Variants in PPP1R36 observed in about 807,000 individuals in gnomAD.
The protein encoded by PPP1R36 is chromosome 14 open reading frame 50.
A neutral mutation model predicts 53.4 loss-of-function variants in PPP1R36; 47 were observed. The ratio of observed to expected loss-of-function variants is 0.88; its 90% CI spans 0.70 to 1.12. The LOEUF (loss-of-function observed/expected upper bound fraction) is 1.12. PPP1R36 is among the 50% of genes most tolerant of loss of function. The pLI is 0.00. For missense variants in PPP1R36, 456 were observed against 513.9 expected, an observed-to-expected ratio of 0.89 and a Z score of 1.09; for synonymous variants, 153 against 170.5, an observed-to-expected ratio of 0.90 and a Z score of 0.80.
In PPP1R36 at chr14:64,587,346, G is replaced by A; in HGVS notation, c.864G>A (p.Lys288=). ...RREDEESGGE[K]KRMTFVQFRR... ...AAGATGAGGAATCAGGAGGGGAAAAGAAACGCATGACTTTTGTTCAGTTCA... is the reference window on the plus strand; with the variant it reads ...AAGATGAGGAATCAGGAGGGGAAAAAAAACGCATGACTTTTGTTCAGTTCA... Residue 288 remains lysine (K), a synonymous_variant, in exon 10 of 12, where the codon AAG becomes AAA. Coordinates refer to ENST00000298705, the MANE Select transcript of PPP1R36 (RefSeq NM_172365.3). 1 of 1,603,840 alleles carries A rather than the reference G, an allele frequency of 6.2e-7. No homozygotes were observed. Among genetic ancestry groups the A allele is most frequent in the Non-Finnish European group, 8.5e-7 (1 of 1,173,630 alleles).
chr14:64,568,280 T>G, intron 6 of PPP1R36, 69 bp from the exon 7 acceptor site: 1 of 601,810 alleles, frequency 1.7e-6, no homozygotes, highest in Non-Finnish European at 2.8e-6. Context: ...ATATATTTTT[T>G]ATGAGAAATC....
intron 8 of PPP1R36, among the ~76,000 whole-genome samples, chr14:64,579,976 C>CA (rs147983923): frequency 0.11 from 17,227 of 150,390 alleles, 1,320 homozygotes; most frequent in African/African-American, 0.22. Context: ...TCTCAAAAAA[C>CA]AAAAAAAACA....
chr14:64,580,181 G>C (rs753712602), intron 8 of PPP1R36, among the ~76,000 whole-genome samples: 5 of 152,048 alleles, frequency 3.3e-5, no homozygotes, highest in Non-Finnish European at 7.4e-5. Flanking sequence ...CATGCCTGTA[G>C]TTCCAGCCAC....
chr14:64,572,532 T>G (rs2080311199), intron 7 of PPP1R36, among the ~76,000 whole-genome samples: 2 of 152,176 alleles, frequency 1.3e-5, no homozygotes, highest in Admixed American at 1.3e-4. Context: ...TCCTTTTTTT[T>G]CCATTTCAAC....
At chr14:64,570,801 C>T (rs1487449914) in intron 7 of PPP1R36, among the ~76,000 whole-genome samples, 1 of 152,156 alleles carries the variant, frequency 6.6e-6, no homozygotes, top group Non-Finnish European at 1.5e-5. Flanking sequence ...GGCAACGGTA[C>T]ACTTAATTGA....
At chr14:64,563,491 T>C (rs1043280436) in intron 3 of PPP1R36, among the ~76,000 whole-genome samples, 7 of 150,224 alleles carry the variant, frequency 4.7e-5, no homozygotes, top group Admixed American at 1.3e-4. Flanking sequence ...AGTGGAAAAA[T>C]TGTAAAAAAT....
intron 3 of PPP1R36, among the ~76,000 whole-genome samples, chr14:64,560,130 A>T (rs1596727790): frequency 6.7e-6 from 1 of 149,318 alleles, no homozygotes; most frequent in East Asian, 1.9e-4. Context: ...AAAAAAAAAA[A>T]AAAGAACCGC....
chr14:64,568,490 C>T, intron 7 of PPP1R36, 43 bp downstream of exon 7: 1 of 881,972 alleles, frequency 1.1e-6, no homozygotes, highest in Middle Eastern at 2.3e-4. Flanking sequence ...TTATCACTGC[C>T]AGTATTAAAA....
chr14:64,566,190 C>T (rs774400296), intron 6 of PPP1R36, among the ~76,000 whole-genome samples: 1 of 152,126 alleles, frequency 6.6e-6, no homozygotes, highest in Non-Finnish European at 1.5e-5. Context: ...ATTACTTGAA[C>T]CTGGGTGGCG....
chr14:64,574,472 A>T lies in PPP1R36; in HGVS notation c.551A>T (p.Lys184Ile). ...CCCATCAGAGGCCTTGTAGAGAAAA[A>T]AGAAATGGAATTGGTTTTAAGTGAA... Reference protein sequence around the residue: ...KSYMVGLVEKKEMELVLSELE... With the variant: ...KSYMVGLVEKIEMELVLSELE... The change falls in exon 8 of 12, where the codon AAA becomes ATA. Residue 184 changes from lysine (K) to isoleucine (I), a missense_variant. Physicochemically the swap from Lys to Ile is moderately radical, Grantham distance 102. Transcript: ENST00000298705. 1 of 1,613,166 alleles carries T rather than the reference A, an allele frequency of 6.2e-7. No individual in the cohort carries two copies. The highest frequency in any genetic ancestry group is 2.2e-5 in the East Asian group (1 of 44,904).
chr14:64,588,721 C>T (rs371820341), intron 11 of PPP1R36, among the ~76,000 whole-genome samples: 28 of 151,986 alleles, frequency 1.8e-4, no homozygotes, highest in African/African-American at 6.0e-4. Context: ...CCACCACGCC[C>T]GGCTAGTTTT....
rs780522515 is a variant in PPP1R36 at position 64,564,790 on chromosome 14, A to G, written c.222A>G (p.Lys74=). ...CAGAAGTCAAGGAAAAAGGAAAGAA[A>G]GGCAAAGCAGTTCACTTTGCAGAAA... ...PAAEVKEKGK[K]GKAVHFAETD... is the part of the protein sequence containing the mutation. Residue 74 remains lysine, a synonymous_variant, in exon 4 of 12, where the codon AAA becomes AAG. Coordinates refer to ENST00000298705, the MANE Select transcript of PPP1R36 (RefSeq NM_172365.3). The G allele has an allele frequency of 1.9e-6, 3 of 1,611,046 alleles. No individual in the cohort carries two copies.
At chr14:64,577,584 A>C (rs1394441732) in intron 8 of PPP1R36, among the ~76,000 whole-genome samples, 1 of 150,856 alleles carries the variant, frequency 6.6e-6, no homozygotes, top group Non-Finnish European at 1.5e-5. Flanking sequence ...TTCTCTCCTC[A>C]TTTTCTGTCA....
At chr14:64,552,349 C>G (rs113224583) in intron 2 of PPP1R36, among the ~76,000 whole-genome samples, 4 of 151,926 alleles carry the variant, frequency 2.6e-5, no homozygotes, top group African/African-American at 9.7e-5. Flanking sequence ...ATTAGCCGGG[C>G]GTGATGGCGG....
chr14:64,576,231 C>T (rs1260564197), intron 8 of PPP1R36, among the ~76,000 whole-genome samples: 2 of 151,928 alleles, frequency 1.3e-5, no homozygotes, highest in African/African-American at 4.8e-5. Flanking sequence ...CAGGCACACA[C>T]CACCATGCCT....
At chr14:64,573,913 CAAAAAAAAAAAAAAAAAA>C (rs35427371) in intron 7 of PPP1R36, among the ~76,000 whole-genome samples, 2 of 32,536 alleles carry the variant, frequency 6.1e-5, no homozygotes, top group African/African-American at 1.4e-4. Context: ...GACTCTGTCT[CAAAAAAAAAAAAAAAAAA>C]AAAAAAAAAA....
chr14:64,550,997 C>T lies in PPP1R36; in HGVS notation c.134+12C>T. The T allele has an allele frequency of 6.4e-7, 1 of 1,556,900 alleles. No homozygotes were observed. The highest frequency in any genetic ancestry group is 8.8e-7 in the Non-Finnish European group (1 of 1,132,264). ...CTTGAATTCAGAAGGTAAAATTTAA[C>T]AACACTTTATTAGAGTTTTTATAAA... On this transcript the variant is annotated intron_variant, in intron 2 of 11. Transcript: ENST00000298705.
Position 64,565,693 on chromosome 14 carries a change from G to A in PPP1R36, c.434+1G>A. The A allele has an allele frequency of 6.2e-7, 1 of 1,605,560 alleles. No homozygotes were observed. Among genetic ancestry groups the A allele is most frequent in the Non-Finnish European group, 8.5e-7 (1 of 1,172,374 alleles). On this transcript the variant is annotated splice_donor_variant, in intron 6 of 11. Coordinates refer to ENST00000298705, the MANE Select transcript of PPP1R36 (RefSeq NM_172365.3). LOFTEE classifies it high-confidence loss of function. The stretch of plus-strand genomic sequence containing the variant: ...TCTGTTCTTTTACAACATTTATGAG[G>A]TATCTATTGCTTATGAGTCATTTTA...
chr14:64,579,697 G>A (rs925718266), intron 8 of PPP1R36, among the ~76,000 whole-genome samples: 11 of 151,770 alleles, frequency 7.2e-5, no homozygotes, highest in Admixed American at 2.0e-4. Flanking sequence ...TGGGCCAGGC[G>A]CGGTGGCTCA....
Sources: gnomAD v4.1 joint callset for allele counts (sites outside exome capture counted in the v4.1 genomes callset) on GRCh38, gnomAD v4.1.1 for gene constraint, MANE v1.5 for transcripts, NCBI Gene and HGNC (gene_info 2026-07-23, HGNC 2026-07-21) for gene names.